Variants in ROCK1 observed in about 807,000 individuals in gnomAD.
ROCK1 encodes Rho associated coiled-coil containing protein kinase 1.
In ROCK1, 36 loss-of-function variants were observed where a neutral mutation model predicts 196.8. That is an observed-to-expected ratio of 0.18 (90% CI 0.14 to 0.24). The LOEUF (loss-of-function observed/expected upper bound fraction) is 0.24, where lower values mean the gene tolerates loss of function less well. ROCK1 is among the 10% of genes least tolerant of loss of function. ROCK1 has a pLI of 1.00. For missense variants in ROCK1, 920 were observed against 1,562.0 expected (o/e 0.59, Z 6.93); for synonymous variants, 443 against 515.9 (o/e 0.86, Z 1.91).
intron 4 of ROCK1, among the ~76,000 whole-genome samples, chr18:21,046,368 C>T (rs182607451): frequency 6.6e-6 from 1 of 152,300 alleles, no homozygotes; most frequent in East Asian, 1.9e-4. Flanking sequence ...TTAGCAATTG[C>T]TTAATAAAGG....
At chr18:21,074,926 G>T (rs1411207205) in intron 1 of ROCK1, among the ~76,000 whole-genome samples, 3 of 152,092 alleles carry the variant, frequency 2.0e-5, no homozygotes, top group Non-Finnish European at 4.4e-5. Context: ...ACAGAAGTGG[G>T]GCAAGGCAAT....
At chr18:21,099,847 C>T (rs919266906) in intron 1 of ROCK1, among the ~76,000 whole-genome samples, 15 of 152,076 alleles carry the variant, frequency 9.9e-5, no homozygotes, top group African/African-American at 3.6e-4. Flanking sequence ...ACCAGCCTGG[C>T]CAACATGGCA....
intron 1 of ROCK1, among the ~76,000 whole-genome samples, chr18:21,089,218 C>T (rs528726462): frequency 1.1e-4 from 16 of 152,074 alleles, no homozygotes; most frequent in African/African-American, 3.4e-4. Context: ...CCACCACATT[C>T]GGCTAATTTT....
At chr18:20,991,629 TTTTTC>T (rs1333997280) in intron 17 of ROCK1, among the ~76,000 whole-genome samples, 1 of 152,060 alleles carries the variant, frequency 6.6e-6, no homozygotes, top group Non-Finnish European at 1.5e-5. Flanking sequence ...ACCATCTTTT[TTTTTC>T]TTTTCTTTTT....
chr18:21,051,987 T>C (rs1284914165), intron 2 of ROCK1, among the ~76,000 whole-genome samples: 1 of 152,156 alleles, frequency 6.6e-6, no homozygotes, highest in East Asian at 1.9e-4. Flanking sequence ...ATTTTAAGAG[T>C]ATTGTAATAC....
At chr18:21,019,294 C>T (rs1179838188) in intron 12 of ROCK1, among the ~76,000 whole-genome samples, 3 of 152,098 alleles carry the variant, frequency 2.0e-5, no homozygotes, top group Non-Finnish European at 2.9e-5. Flanking sequence ...GCAGGGACTA[C>T]AGGGGCACAC....
intron 2 of ROCK1, among the ~76,000 whole-genome samples, chr18:21,055,443 ACAAT>A (rs1158459453): frequency 6.6e-6 from 1 of 152,176 alleles, no homozygotes; most frequent in Non-Finnish European, 1.5e-5. Context: ...AACGAACGAA[ACAAT>A]CAGAAGAAAA....
intron 5 of ROCK1, among the ~76,000 whole-genome samples, chr18:21,044,452 C>G (rs1185028224): frequency 6.6e-6 from 1 of 151,908 alleles, no homozygotes; most frequent in African/African-American, 2.4e-5. Context: ...AGAGACAGAC[C>G]ATCAAAAATA....
intron 22 of ROCK1, among the ~76,000 whole-genome samples, chr18:20,973,731 G>A (rs116130628): frequency 0.013 from 1,955 of 151,878 alleles, 40 homozygotes; most frequent in African/African-American, 0.045. Context: ...AAGATAATGA[G>A]TAGCCTTCAA....
At chr18:20,998,095 CCAAAG>C (rs1240443328) in intron 16 of ROCK1, among the ~76,000 whole-genome samples, 3 of 152,134 alleles carry the variant, frequency 2.0e-5, no homozygotes, top group Non-Finnish European at 2.9e-5. Context: ...CCTCGGCCTC[CCAAAG>C]TGCTGGGATG....
At chr18:20,982,669 G>C (rs2035543657) in intron 21 of ROCK1, 94 bp downstream of exon 21, 1 of 621,394 alleles carries the variant, frequency 1.6e-6, no homozygotes. Flanking sequence ...AGAGTCATTT[G>C]AAAAAGAATT....
In ROCK1 at chr18:21,049,144, A is replaced by T; in HGVS notation, c.362T>A (p.Phe121Tyr). 1 of 1,612,430 alleles carries T rather than the reference A, an allele frequency of 6.2e-7. No individual in the cohort carries two copies. Among genetic ancestry groups the T allele is most frequent in the Non-Finnish European group, 8.5e-7 (1 of 1,178,966 alleles). ...AGCCATGATGTCCCTTTCTTCCCAG[A>T]AAAAAGCAGAATCAGATCTCTTTAT... ...EMIKRSDSAFFWEERDIMAFA... is the reference protein window; with the variant it reads ...EMIKRSDSAFYWEERDIMAFA... The change falls in exon 4 of 33, where the codon TTC becomes TAC. Residue 121 changes from phenylalanine to tyrosine, a missense_variant. Around this residue, in one of 6 missense-constraint regions of ROCK1, gnomAD observed 234 missense variants for 460.7 expected, o/e 0.51. Coordinates refer to ENST00000399799, the MANE Select transcript of ROCK1 (RefSeq NM_005406.3).
chr18:20,982,707 CTTGTT>C (rs1045045596), intron 21 of ROCK1, 51 bp downstream of exon 21: 362 of 793,590 alleles, frequency 4.6e-4, no homozygotes, highest in Admixed American at 1.6e-3. Context: ...ATCTAAATAC[CTTGTT>C]TTAAGTCAGG....
At position 21,070,579 on chromosome 18, in the gene ROCK1, A is replaced by C. The variant is rs1306328046; in HGVS notation, c.128T>G (p.Phe43Cys). The C allele has an allele frequency of 6.2e-7, 1 of 1,606,832 alleles. No individual in the cohort carries two copies. Among genetic ancestry groups the C allele is most frequent in the East Asian group, 2.2e-5 (1 of 44,610 alleles). Reference sequence around the variant, plus strand: ...ATTTTTGTTTTTTCTTAAGGCAGGAAAATCCAAATCATATACCAAAGCATC... The same window carrying C: ...ATTTTTGTTTTTTCTTAAGGCAGGACAATCCAAATCATATACCAAAGCATC... Reference protein sequence around the residue: ...GLDALVYDLDFPALRKNKNID... With the variant: ...GLDALVYDLDCPALRKNKNID... Residue 43 changes from phenylalanine (F) to cysteine (C), a missense_variant, in exon 2 of 33, where the codon TTT becomes TGT. This residue lies in a region of ROCK1 where 234 missense variants were observed against 460.7 expected (regional missense o/e 0.51). Coordinates refer to ENST00000399799, the MANE Select transcript of ROCK1 (RefSeq NM_005406.3).
At chr18:21,103,596 C>T (rs1335365476) in intron 1 of ROCK1, among the ~76,000 whole-genome samples, 4 of 151,866 alleles carry the variant, frequency 2.6e-5, no homozygotes, top group Non-Finnish European at 5.9e-5. Context: ...GTAGCTGAGA[C>T]TACACCCAGG....
Position 21,042,139 on chromosome 18 carries a change from G to T in ROCK1, c.917C>A (p.Ser306Ter). Residue 306 changes from serine (S) to a stop codon, truncating the protein, a stop_gained, in exon 8 of 33, where the codon TCA becomes TAA. Transcript: ENST00000399799. LOFTEE classifies it high-confidence loss of function. ...SLTFPDDNDI[S>*]KEAKNLICAF... The stretch of plus-strand genomic sequence containing the variant: ...ACAAATAAGGTTTTTTGCTTCTTTT[G>T]ATATGTCATTATCATCAGGAAAGGT... 2 of 1,602,964 alleles carry T rather than the reference G, an allele frequency of 1.2e-6. No homozygotes were observed. The highest frequency in any genetic ancestry group is 1.3e-5 in the African/African-American group (1 of 74,160).
intron 29 of ROCK1, among the ~76,000 whole-genome samples, chr18:20,957,247 C>T (rs1414344460): frequency 1.3e-5 from 2 of 152,190 alleles, no homozygotes; most frequent in African/African-American, 4.8e-5. Flanking sequence ...TTGGAAGCAA[C>T]CCAAATGTCA....
chr18:21,039,929 C>T (rs1196430817), intron 8 of ROCK1, among the ~76,000 whole-genome samples: 2 of 152,010 alleles, frequency 1.3e-5, no homozygotes, highest in Non-Finnish European at 2.9e-5. Context: ...TACTGGAACA[C>T]GCCTGTAGTC....
At chr18:21,047,867 G>T (rs2036174448) in intron 4 of ROCK1, among the ~76,000 whole-genome samples, 1 of 151,524 alleles carries the variant, frequency 6.6e-6, no homozygotes, top group Non-Finnish European at 1.5e-5. Flanking sequence ...CCAATTACTG[G>T]TATGCTTTTT....
Sources: allele counts gnomAD v4.1 joint callset (sites outside exome capture counted in the v4.1 genomes callset), GRCh38; gene constraint gnomAD v4.1.1; regional missense constraint gnomAD v4.1.1; transcripts MANE v1.5; gene names NCBI Gene and HGNC (gene_info 2026-07-23, HGNC 2026-07-21).